The following COL28A1 variants were observed in gnomAD, a reference collection of about 807,000 sequenced individuals.
COL28A1 encodes the protein collagen alpha-1(XXVIII) chain.
A neutral mutation model predicts 150.2 loss-of-function variants in COL28A1; 161 were observed. The observed-to-expected ratio is 1.07, with a 90% CI of 0.94 to 1.22. The LOEUF (loss-of-function observed/expected upper bound fraction) is 1.22. Among genes scored for constraint, COL28A1 ranks in the 50% most tolerant of loss-of-function variants. The pLI is 0.00. For missense variants in COL28A1, 1,617 were observed against 1,388.3 expected, an observed-to-expected ratio of 1.16 and a Z score of -2.62; for synonymous variants, 552 against 469.7, an observed-to-expected ratio of 1.18 and a Z score of -2.26.
downstream of COL28A1, among the ~76,000 whole-genome samples, chr7:7,352,444 G>A (rs994525934): frequency 2.0e-5 from 3 of 152,164 alleles, no homozygotes. Context: ...CTTTGAGGTA[G>A]CAAGATTATT....
intron 13 of COL28A1, 25 bp from the exon 14 acceptor site, chr7:7,477,205 G>C: frequency 3.3e-6 from 3 of 911,840 alleles, no homozygotes; most frequent in Non-Finnish European, 5.6e-6. Flanking sequence ...AGAAAATGAG[G>C]AGCAGGAGGA....
At chr7:7,493,578 G>A (rs1009411814) in intron 11 of COL28A1, among the ~76,000 whole-genome samples, 1 of 152,054 alleles carries the variant, frequency 6.6e-6, no homozygotes, top group Non-Finnish European at 1.5e-5. Context: ...CATTTCACTT[G>A]CTTAAATTTA....
chr7:7,505,998 CA>C lies in COL28A1; in HGVS notation c.1026+15del. 8.3e-7 allele frequency: 1 copy of C among 1,201,456 alleles called. No individual in the cohort carries two copies. The highest frequency in any genetic ancestry group is 1.2e-6 in the Non-Finnish European group (1 of 803,038). 74.4% of individuals were successfully genotyped at this position (1,201,456 alleles called of 1,614,324 possible). A position where few individuals can be genotyped will look rare whatever the true frequency, so the allele number is the denominator to read the frequency against. On this transcript the variant is annotated intron_variant, in intron 11 of 34. Coordinates refer to ENST00000399429, the MANE Select transcript of COL28A1 (RefSeq NM_001037763.3). ...GAAAGGCACTCTGCCTGTCTTTAAT[CA>C]AAGGGTAAGATTACCTTATTGCCTT...
chr7:7,477,288 A>G (rs1788975569), intron 13 of COL28A1, 108 bp from the exon 14 acceptor site: 2 of 697,060 alleles, frequency 2.9e-6, no homozygotes, highest in African/African-American at 1.8e-5. Context: ...TTCAGTTTAC[A>G]TGCCAAAAAA....
intron 27 of COL28A1, among the ~76,000 whole-genome samples, chr7:7,403,614 A>T (rs1451565578): frequency 6.6e-6 from 1 of 152,180 alleles, no homozygotes; most frequent in Non-Finnish European, 1.5e-5. Context: ...CTTTTCTTAA[A>T]TGTATGTACT....
At chr7:7,431,771 G>A (rs1194067605) in intron 25 of COL28A1, 4 of 319,518 alleles carry the variant, frequency 1.3e-5, no homozygotes, top group African/African-American at 6.5e-5. Context: ...GAAGACCAAT[G>A]AAGAGGCTAT....
rs777887456 is a variant in COL28A1 at position 7,452,300 on chromosome 7, T to C, written c.1509+19A>G. Reference sequence around the variant, plus strand: ...GTTACATAAAGTATCATATCACTTCTGAGCAGCAGTCAACTCACCTTTGGA... The same window carrying C: ...GTTACATAAAGTATCATATCACTTCCGAGCAGCAGTCAACTCACCTTTGGA... On this transcript the variant is annotated intron_variant, in intron 18 of 34. Coordinates refer to ENST00000399429, the MANE Select transcript of COL28A1 (RefSeq NM_001037763.3). 1.3e-6 allele frequency: 2 copies of C among 1,598,014 alleles called. No individual in the cohort carries two copies. The highest frequency in any genetic ancestry group is 2.3e-5 in the South Asian group (2 of 87,284).
chr7:7,448,518 A>G (rs1393899170), intron 18 of COL28A1, among the ~76,000 whole-genome samples: 1 of 152,002 alleles, frequency 6.6e-6, no homozygotes, highest in Non-Finnish European at 1.5e-5. Context: ...AGCTAAATGA[A>G]TACCTACCTT....
At chr7:7,382,171 A>G (rs959009848) in intron 27 of COL28A1, among the ~76,000 whole-genome samples, 7 of 152,222 alleles carry the variant, frequency 4.6e-5, no homozygotes, top group Non-Finnish European at 7.4e-5. Flanking sequence ...TTAGCTGGGC[A>G]TGGTGGTGCG....
At chr7:7,524,142 CTT>C in intron 4 of COL28A1, 85 bp downstream of exon 4, 1 of 823,084 alleles carries the variant, frequency 1.2e-6, no homozygotes, top group Non-Finnish European at 2.1e-6. Flanking sequence ...TTTAGTCACA[CTT>C]AATCTTCTAA....
rs1782606914 is a variant in COL28A1 at position 7,535,754 on chromosome 7, T to C, written c.-42A>G. On this transcript the variant is annotated 5_prime_UTR_variant, in exon 1 of 35. Coordinates refer to ENST00000399429, the MANE Select transcript of COL28A1 (RefSeq NM_001037763.3). The stretch of plus-strand genomic sequence containing the variant: ...AATAAATCTGTTATGTCTTACCTTA[T>C]AAAGTTTGTCAAACAGGAATTAAAG... The C allele has an allele frequency of 6.6e-6, 1 of 152,220 alleles. No homozygotes were observed. Among genetic ancestry groups the C allele is most frequent in the South Asian group, 2.1e-4 (1 of 4,826 alleles). The allele number at this position is 152,220 out of a possible 1,614,324, so 9.4% of individuals were successfully genotyped here. A position where few individuals can be genotyped will look rare whatever the true frequency, so the allele number is the denominator to read the frequency against.
intron 16 of COL28A1, 84 bp downstream of exon 16, chr7:7,455,960 T>A: frequency 1.3e-6 from 2 of 1,567,188 alleles, no homozygotes; most frequent in Non-Finnish European, 1.7e-6. Flanking sequence ...TACTCATAGA[T>A]GTTTGCAGGA....
At chr7:7,372,617 G>T (rs571171833) in intron 32 of COL28A1, among the ~76,000 whole-genome samples, 1 of 151,608 alleles carries the variant, frequency 6.6e-6, no homozygotes, top group East Asian at 1.9e-4. Context: ...AATTCATTTT[G>T]ATTTCCTGAC....
chr7:7,343,722 T>G, the COL28A1 span, among the ~76,000 whole-genome samples: 1 of 152,082 alleles, frequency 6.6e-6, no homozygotes, highest in Non-Finnish European at 1.5e-5. Flanking sequence ...AAAGTGCATT[T>G]ATGGGCCAAC....
intron 15 of COL28A1, among the ~76,000 whole-genome samples, chr7:7,470,958 T>G (rs1583449063): frequency 1.3e-5 from 1 of 76,018 alleles, no homozygotes; most frequent in South Asian, 4.9e-4. Flanking sequence ...CTGGGGACTG[T>G]GGTGGGGTCG....
intron 27 of COL28A1, among the ~76,000 whole-genome samples, chr7:7,415,524 G>A (rs568835511): frequency 1.3e-5 from 2 of 152,182 alleles, no homozygotes; most frequent in African/African-American, 4.8e-5. Context: ...GTCTAAAGAG[G>A]TTTTTCTGGT....
chr7:7,399,728 C>T (rs2128298149), intron 27 of COL28A1, among the ~76,000 whole-genome samples: 1 of 152,348 alleles, frequency 6.6e-6, no homozygotes, highest in Middle Eastern at 3.4e-3. Context: ...CAACCAGATT[C>T]TCTGGGCCTG....
intron 27 of COL28A1, among the ~76,000 whole-genome samples, chr7:7,390,351 C>A (rs1056813863): frequency 6.6e-6 from 1 of 152,110 alleles, no homozygotes; most frequent in Non-Finnish European, 1.5e-5. Flanking sequence ...CCAACTTGAT[C>A]GTGGTGGTTA....
Position 7,490,558 on chromosome 7 carries a change from A to T in COL28A1, c.1095+20T>A, listed in dbSNP as rs376950404. ...ATAAATTCAACAGTCATCAGTGGGC[A>T]AAAAGACAAGTATCTTTACCTTAAT... On this transcript the variant is annotated intron_variant, in intron 12 of 34. Transcript: ENST00000399429. The T allele has an allele frequency of 9.4e-7, 1 of 1,065,774 alleles. No individual in the cohort carries two copies. Among genetic ancestry groups the T allele is most frequent in the Non-Finnish European group, 1.5e-6 (1 of 682,474 alleles). The allele number at this position is 1,065,774 out of a possible 1,614,324, so 66.0% of individuals were successfully genotyped here. A position where few individuals can be genotyped will look rare whatever the true frequency, so the allele number is the denominator to read the frequency against.
Sources: allele counts gnomAD v4.1 joint callset (sites outside exome capture counted in the v4.1 genomes callset), GRCh38; gene constraint gnomAD v4.1.1; transcripts MANE v1.5; gene names NCBI Gene and HGNC (gene_info 2026-07-23, HGNC 2026-07-21).